Variants in HOOK3 observed in about 807,000 individuals in gnomAD.
HOOK3 encodes the protein hook microtubule tethering protein 3.
HOOK3 carries 24 observed loss-of-function variants against 116.3 expected under a neutral mutation model. The ratio of observed to expected loss-of-function variants is 0.21; its 90% CI spans 0.15 to 0.29. The LOEUF is 0.29. Among genes scored for constraint, HOOK3 ranks in the 10% least tolerant of loss-of-function variants. HOOK3 has a pLI of 1.00. For missense variants in HOOK3, 632 were observed against 830.2 expected (o/e 0.76, Z 2.93); for synonymous variants, 275 against 283.0 (o/e 0.97, Z 0.28).
At chr8:42,918,752 A>G (rs1483395014) in intron 2 of HOOK3, among the ~76,000 whole-genome samples, 1 of 152,246 alleles carries the variant, frequency 6.6e-6, no homozygotes, top group East Asian at 1.9e-4. Flanking sequence ...GGGTAAGGTT[A>G]TAGATTAACA....
intron 6 of HOOK3, among the ~76,000 whole-genome samples, chr8:42,953,410 A>C (rs564855814): frequency 2.0e-5 from 3 of 152,134 alleles, no homozygotes; most frequent in African/African-American, 7.2e-5. Flanking sequence ...CTCAAAATAC[A>C]AATATTAGCC....
intron 2 of HOOK3, among the ~76,000 whole-genome samples, chr8:42,922,908 T>G (rs1032278983): frequency 8.8e-5 from 13 of 148,268 alleles, no homozygotes; most frequent in Middle Eastern, 3.6e-3. Flanking sequence ...GGAAAGAAAG[T>G]GGAAAACCAG....
At chr8:42,932,919 A>G (rs1807899544) in intron 4 of HOOK3, among the ~76,000 whole-genome samples, 1 of 152,110 alleles carries the variant, frequency 6.6e-6, no homozygotes, top group Non-Finnish European at 1.5e-5. Context: ...CTTACTGCCT[A>G]CTGTGATTTA....
chr8:42,957,818 A>G lies in HOOK3; in HGVS notation c.531+662A>G, dbSNP rs1808462287. Among the ~76,000 whole-genome samples the G allele has an allele frequency of 1.3e-5, 2 of 148,766 alleles. 1 individual carries two copies. Among genetic ancestry groups the G allele is most frequent in the South Asian group, 4.2e-4 (2 of 4,756 alleles). The stretch of plus-strand genomic sequence containing the variant: ...GAAAAGTTACTTTGTACTTTTAAAT[A>G]TCTCTTCCTTTTTTTTTTTTTTTTT... On this transcript the variant is annotated intron_variant, in intron 7 of 21. Transcript: ENST00000307602.
chr8:42,960,400 G>A (rs1231198750), intron 8 of HOOK3, among the ~76,000 whole-genome samples: 1 of 152,190 alleles, frequency 6.6e-6, no homozygotes, highest in East Asian at 1.9e-4. Context: ...TATGAGAAGA[G>A]AAGAGGTAGC....
chr8:42,918,670 A>G (rs1807580389), intron 2 of HOOK3, among the ~76,000 whole-genome samples: 1 of 152,198 alleles, frequency 6.6e-6, no homozygotes, highest in Admixed American at 6.5e-5. Context: ...TTAACAAAGC[A>G]CATCTTGCAC....
chr8:43,028,603 T>C lies in HOOK3; in HGVS notation c.*10105T>C, dbSNP rs1809974919. On this transcript the variant is annotated 3_prime_UTR_variant, in exon 22 of 22. Transcript: ENST00000307602. ...TATCTTCATAACTTCCTGCTCTTAT[T>C]AACTTGTATTATGAATCAAATTAAG... 2 of 189,680 alleles carry C rather than the reference T, an allele frequency of 1.1e-5. No homozygotes were observed. Among genetic ancestry groups the C allele is most frequent in the Admixed American group, 1.2e-4 (2 of 16,232 alleles). 11.7% of individuals were successfully genotyped at this position (189,680 alleles called of 1,614,324 possible).
chr8:42,992,551 G>T (rs1809185812), intron 15 of HOOK3, among the ~76,000 whole-genome samples: 1 of 150,748 alleles, frequency 6.6e-6, no homozygotes. Context: ...CCCCGTCTCT[G>T]CTAAAAATAC....
chr8:42,956,525 C>T lies in HOOK3; in HGVS notation c.469-569C>T, dbSNP rs191934003. Among the ~76,000 whole-genome samples the T allele has an allele frequency of 1.9e-4, 29 of 151,558 alleles. 1 individual carries two copies. The East Asian group carries it at 5.0e-3, about 26-fold the overall frequency. The stretch of plus-strand genomic sequence containing the variant: ...ATTTTATTTACTTTTTTTCTCTTGC[C>T]GTGTCTTATGGTGCTGATAGACCTT... On this transcript the variant is annotated intron_variant, in intron 6 of 21. Coordinates refer to ENST00000307602, the MANE Select transcript of HOOK3 (RefSeq NM_032410.4).
Position 42,982,655 on chromosome 8 carries a change from T to C in HOOK3, c.1350T>C (p.Ser450=). The C allele has an allele frequency of 6.2e-7, 1 of 1,612,868 alleles. No individual in the cohort carries two copies. Among genetic ancestry groups the C allele is most frequent in the Non-Finnish European group, 8.5e-7 (1 of 1,178,972 alleles). Residue 450 remains serine (S), a synonymous_variant, in exon 14 of 22, where the codon TCT becomes TCC. Coordinates refer to ENST00000307602, the MANE Select transcript of HOOK3 (RefSeq NM_032410.4). Reference sequence around the variant, plus strand: ...TAATGCCTCTTGGAAGTCAGGAGTCTTCAGACAGTCTAGCTGCAGAGATTG... The same window carrying C: ...TAATGCCTCTTGGAAGTCAGGAGTCCTCAGACAGTCTAGCTGCAGAGATTG... The part of the protein sequence containing the change: ...QGLMPLGSQE[S]SDSLAAEIVT...
chr8:42,933,573 T>C (rs911479294), intron 4 of HOOK3, among the ~76,000 whole-genome samples: 6 of 152,248 alleles, frequency 3.9e-5, no homozygotes, highest in Non-Finnish European at 7.3e-5. Flanking sequence ...TTTGTCTTTC[T>C]CCTATCTTAT....
rs765464370 is a variant in HOOK3 at position 42,906,223 on chromosome 8, G to C, written c.108G>C (p.Thr36=). Residue 36 remains threonine, a synonymous_variant, in exon 2 of 22, where the codon ACG becomes ACC. Coordinates refer to ENST00000307602, the MANE Select transcript of HOOK3 (RefSeq NM_032410.4). Reference sequence around the variant, plus strand: ...CATGCCAGACCGTGGAAGATTTAACGAATGGGGTTGTGATGGCCCAGGTTC... The same window carrying C: ...CATGCCAGACCGTGGAAGATTTAACCAATGGGGTTGTGATGGCCCAGGTTC... The part of the protein sequence containing the change: ...DAPCQTVEDL[T]NGVVMAQVLQ... 1.3e-6 allele frequency: 2 copies of C among 1,556,864 alleles called. No individual in the cohort carries two copies. Among genetic ancestry groups the C allele is most frequent in the Admixed American group, 1.8e-5 (1 of 56,786 alleles).
At chr8:42,914,257 A>G (rs1807488884) in intron 2 of HOOK3, among the ~76,000 whole-genome samples, 1 of 151,940 alleles carries the variant, frequency 6.6e-6, no homozygotes, top group South Asian at 2.1e-4. Flanking sequence ...TGGATATAGT[A>G]CTCTTGTCTA....
At chr8:42,950,690 A>AT (rs34792973) in intron 6 of HOOK3, among the ~76,000 whole-genome samples, 9,273 of 147,330 alleles carry the variant, frequency 0.063, 289 homozygotes, top group South Asian at 0.089. Context: ...CTATTCCTAA[A>AT]TTTTTTTTTT....
chr8:42,985,434 C>T (rs1809031352), intron 14 of HOOK3, among the ~76,000 whole-genome samples: 2 of 152,038 alleles, frequency 1.3e-5, no homozygotes, highest in Non-Finnish European at 1.5e-5. Flanking sequence ...GTGTAAATAG[C>T]AGGTACCAAT....
intron 1 of HOOK3, among the ~76,000 whole-genome samples, chr8:42,905,329 G>GT (rs1807283628): frequency 6.9e-6 from 1 of 145,030 alleles, no homozygotes; most frequent in South Asian, 2.2e-4. Flanking sequence ...TTTTTTTGGG[G>GT]GGGGGGGTGC....
At chr8:42,929,529 A>G (rs1807835440) in intron 3 of HOOK3, among the ~76,000 whole-genome samples, 2 of 152,224 alleles carry the variant, frequency 1.3e-5, no homozygotes, top group African/African-American at 2.4e-5. Flanking sequence ...AAAAAATTAT[A>G]GTTTACAATA....
At chr8:42,979,463 T>C (rs1370710305) in intron 13 of HOOK3, among the ~76,000 whole-genome samples, 1 of 152,148 alleles carries the variant, frequency 6.6e-6, no homozygotes, top group Non-Finnish European at 1.5e-5. Flanking sequence ...TGTTATCAGC[T>C]GGGGATGGTG....
chr8:42,924,170 G>T (rs1807716383), intron 2 of HOOK3, among the ~76,000 whole-genome samples: 1 of 151,952 alleles, frequency 6.6e-6, no homozygotes, highest in Non-Finnish European at 1.5e-5. Flanking sequence ...GTTATGGAAA[G>T]ATTTTTGGAC....
Sources: allele counts gnomAD v4.1 joint callset (sites outside exome capture counted in the v4.1 genomes callset), GRCh38; gene constraint gnomAD v4.1.1; transcripts MANE v1.5; gene names NCBI Gene and HGNC (gene_info 2026-07-23, HGNC 2026-07-21).